Variants in ATRNL1 observed in about 807,000 individuals in gnomAD.
ATRNL1 encodes the protein attractin like 1, also known as attractin-like protein 1.
A neutral mutation model predicts 182.7 loss-of-function variants in ATRNL1; 95 were observed. That is an observed-to-expected ratio of 0.52 (90% CI 0.44 to 0.62). The LOEUF is 0.62. Ranked by LOEUF, ATRNL1 falls within the 20% of genes least tolerant of loss-of-function variation. The pLI, the probability that ATRNL1 is intolerant of heterozygous loss-of-function variation, is 0.00. For missense variants in ATRNL1, 1,471 were observed against 1,679.5 expected (o/e 0.88, Z 2.17); for synonymous variants, 576 against 568.3 (o/e 1.01, Z -0.19).
At chr10:115,163,004 AGTTT>A (rs1430800931) in intron 6 of ATRNL1, among the ~76,000 whole-genome samples, 3 of 150,584 alleles carry the variant, frequency 2.0e-5, no homozygotes, top group Admixed American at 6.6e-5. Flanking sequence ...GTCTAGAGTT[AGTTT>A]AAGAGAGAAT....
At chr10:115,834,656 T>C (rs1377882867) in intron 27 of ATRNL1, among the ~76,000 whole-genome samples, 1 of 152,180 alleles carries the variant, frequency 6.6e-6, no homozygotes. Flanking sequence ...TTGGAATCTG[T>C]ATTAGCAAAG....
intron 14 of ATRNL1, among the ~76,000 whole-genome samples, chr10:115,284,194 G>C (rs1240590192): frequency 2.0e-5 from 3 of 152,046 alleles, no homozygotes; most frequent in Non-Finnish European, 4.4e-5. Context: ...TACTACAAAA[G>C]CCTGAAGTAT....
chr10:115,471,090 A>G (rs1223176209), intron 24 of ATRNL1, among the ~76,000 whole-genome samples: 1 of 150,688 alleles, frequency 6.6e-6, no homozygotes, highest in African/African-American at 2.4e-5. Context: ...CATGTCCTTC[A>G]GTTTCTTCTA....
At chr10:115,195,394 G>A (rs1352397712) in intron 8 of ATRNL1, among the ~76,000 whole-genome samples, 3 of 152,020 alleles carry the variant, frequency 2.0e-5, no homozygotes, top group African/African-American at 7.2e-5. Context: ...TAGGTTGGAT[G>A]TTTTCTTTCC....
At chr10:115,571,834 A>C (rs200564034) in intron 26 of ATRNL1, among the ~76,000 whole-genome samples, 1 of 151,952 alleles carries the variant, frequency 6.6e-6, no homozygotes, top group East Asian at 1.9e-4. Flanking sequence ...ATAAAATTAT[A>C]AAATATTCCT....
chr10:115,160,034 T>A lies in ATRNL1; in HGVS notation c.830-6T>A, dbSNP rs368819999. The stretch of plus-strand genomic sequence containing the variant: ...CTAGTGTGTTGTTTCATTTTTTTTT[T>A]AATAGGTCCTGATTGTTCTTTGAAT... On this transcript the variant is annotated splice_region_variant and splice_polypyrimidine_tract_variant and intron_variant, in intron 5 of 28. Transcript: ENST00000355044. The A allele has an allele frequency of 1.0e-3, 1,576 of 1,561,730 alleles. 1 individual carries two copies. Among genetic ancestry groups the A allele is most frequent in the Admixed American group, 1.4e-3 (75 of 52,530 alleles).
At chr10:115,658,893 C>T (rs1443989885) in intron 26 of ATRNL1, among the ~76,000 whole-genome samples, 2 of 152,120 alleles carry the variant, frequency 1.3e-5, no homozygotes, top group African/African-American at 4.8e-5. Context: ...AACTTACAGT[C>T]ATGGCAGAAG....
intron 26 of ATRNL1, among the ~76,000 whole-genome samples, chr10:115,623,879 A>G (rs1310491637): frequency 4.6e-5 from 7 of 152,182 alleles, no homozygotes; most frequent in Non-Finnish European, 8.8e-5. Flanking sequence ...CTACATTTCA[A>G]CGGGGCCAAG....
chr10:115,405,558 G>T (rs782085169), intron 20 of ATRNL1, among the ~76,000 whole-genome samples: 34 of 152,012 alleles, frequency 2.2e-4, no homozygotes, highest in Non-Finnish European at 4.0e-4. Context: ...AATAATGTTT[G>T]TCCTCTCACC....
At chr10:115,444,280 G>T (rs1554966212) in intron 21 of ATRNL1, among the ~76,000 whole-genome samples, 1 of 152,040 alleles carries the variant, frequency 6.6e-6, no homozygotes, top group Non-Finnish European at 1.5e-5. Context: ...TAACTAGATA[G>T]TTACAGTAAT....
At chr10:115,702,467 G>C (rs1273381798) in intron 26 of ATRNL1, among the ~76,000 whole-genome samples, 1 of 151,918 alleles carries the variant, frequency 6.6e-6, no homozygotes, top group Admixed American at 6.6e-5. Context: ...AAAAGAATAA[G>C]TCAAATTATC....
chr10:115,486,535 GA>G (rs1347442459), intron 24 of ATRNL1, among the ~76,000 whole-genome samples: 2 of 151,988 alleles, frequency 1.3e-5, no homozygotes, highest in African/African-American at 4.8e-5. Context: ...GTTGGCCACA[GA>G]AATGTCTTCT....
chr10:115,266,995 TC>T lies in ATRNL1; in HGVS notation c.1973del (p.Pro658LeufsTer53). Reference sequence around the variant, plus strand: ...ATAATATTCTTAGAGCAAAGTGCCCTCCTAAAACAGGTAAATTTCTTTTTCT... The same window carrying T: ...ATAATATTCTTAGAGCAAAGTGCCCTCTAAAACAGGTAAATTTCTTTTTCT... ...TNNILRAKCPPKTAASDDRCY... is the reference protein window; with the variant it reads ...TNNILRAKCPXKTAASDDRCY... On this transcript the variant is annotated frameshift_variant, in exon 12 of 29. Transcript: ENST00000355044. LOFTEE classifies it high-confidence loss of function. 2 of 1,598,184 alleles carry T rather than the reference TC, an allele frequency of 1.3e-6. No individual in the cohort carries two copies. The highest frequency in any genetic ancestry group is 1.7e-6 in the Non-Finnish European group (2 of 1,170,316).
chr10:115,882,108 C>G (rs1407040668), intron 28 of ATRNL1, among the ~76,000 whole-genome samples: 1 of 152,204 alleles, frequency 6.6e-6, no homozygotes, highest in Non-Finnish European at 1.5e-5. Flanking sequence ...GAGACCAACA[C>G]GTCCAGGCCC....
intron 24 of ATRNL1, among the ~76,000 whole-genome samples, chr10:115,478,664 A>G (rs1382849426): frequency 3.3e-5 from 5 of 151,702 alleles, no homozygotes; most frequent in African/African-American, 9.7e-5. Flanking sequence ...GATTCCACCT[A>G]TACTTAAGGG....
chr10:115,677,087 A>G (rs1297461984), intron 26 of ATRNL1, among the ~76,000 whole-genome samples: 1 of 152,114 alleles, frequency 6.6e-6, no homozygotes, highest in African/African-American at 2.4e-5. Context: ...CATATAGTAC[A>G]CATTTGGTTA....
At chr10:115,626,646 A>G (rs907745371) in intron 26 of ATRNL1, among the ~76,000 whole-genome samples, 1 of 152,204 alleles carries the variant, frequency 6.6e-6, no homozygotes, top group Non-Finnish European at 1.5e-5. Flanking sequence ...GATACTAGCA[A>G]TGAACTTGCA....
intron 6 of ATRNL1, among the ~76,000 whole-genome samples, chr10:115,164,300 A>C (rs1222611819): frequency 3.3e-5 from 5 of 152,156 alleles, no homozygotes; most frequent in Non-Finnish European, 7.4e-5. Context: ...CAGTCTTAAA[A>C]AATTATCAGT....
At chr10:115,657,333 T>C (rs1159858957) in intron 26 of ATRNL1, among the ~76,000 whole-genome samples, 2 of 152,238 alleles carry the variant, frequency 1.3e-5, no homozygotes, top group Non-Finnish European at 2.9e-5. Context: ...AGATGCTTGT[T>C]GTTTTGGTGA....
Sources: allele counts gnomAD v4.1 joint callset (sites outside exome capture counted in the v4.1 genomes callset), GRCh38; gene constraint gnomAD v4.1.1; transcripts MANE v1.5; gene names NCBI Gene and HGNC (gene_info 2026-07-23, HGNC 2026-07-21).